DNAH9: variants seen among roughly 807,000 people sequenced by gnomAD.
The protein encoded by DNAH9 is dynein axonemal heavy chain 9, also known as DNAH9 variant protein.
Under a neutral mutation model 471.6 loss-of-function variants are expected in DNAH9, and 345 were observed. The ratio of observed to expected loss-of-function variants is 0.73; its 90% CI spans 0.67 to 0.80. The LOEUF (loss-of-function observed/expected upper bound fraction) is 0.80. Among genes scored for constraint, DNAH9 ranks in the 30% least tolerant of loss-of-function variants. The pLI is 0.00. For missense variants in DNAH9, 5,407 were observed against 5,609.2 expected (o/e 0.96, Z 1.15); for synonymous variants, 2,093 against 2,123.6 (o/e 0.99, Z 0.40).
chr17:11,618,540 T>C (rs1476658153), intron 5 of DNAH9, among the ~76,000 whole-genome samples: 3 of 149,202 alleles, frequency 2.0e-5, no homozygotes, highest in African/African-American at 7.4e-5. Flanking sequence ...GAGCGAAGAT[T>C]GTGCCACTGC....
At chr17:11,960,435 T>TAAACAAAAAAAAAAAAAAAAAAAA (rs1976005246) in intron 67 of DNAH9, among the ~76,000 whole-genome samples, 1 of 54,060 alleles carries the variant, frequency 1.8e-5, no homozygotes, top group Non-Finnish European at 3.3e-5. Flanking sequence ...GACTCTGTCT[T>TAAACAAAAAAAAAAAAAAAAAAAA]AAAAAAAAAA....
At chr17:11,666,639 G>A (rs1485410998) in intron 15 of DNAH9, among the ~76,000 whole-genome samples, 1 of 152,154 alleles carries the variant, frequency 6.6e-6, no homozygotes, top group African/African-American at 2.4e-5. Context: ...GAGCCTAAAG[G>A]GGCCTCTGAG....
At chr17:11,839,053 A>G (rs1364555083) in intron 49 of DNAH9, among the ~76,000 whole-genome samples, 1 of 152,230 alleles carries the variant, frequency 6.6e-6, no homozygotes, top group Non-Finnish European at 1.5e-5. Context: ...AAATAAATCC[A>G]GTATAACTTT....
At chr17:11,947,742 C>T (rs1975181920) in intron 67 of DNAH9, among the ~76,000 whole-genome samples, 1 of 150,702 alleles carries the variant, frequency 6.6e-6, no homozygotes, top group Admixed American at 6.6e-5. Flanking sequence ...GAGCCATGGC[C>T]AGCCCAGAAT....
chr17:11,694,591 A>C (rs2074395402), intron 22 of DNAH9, 144 bp downstream of exon 22: 1 of 665,230 alleles, frequency 1.5e-6, no homozygotes, highest in Non-Finnish European at 2.4e-6. Context: ...GCATCATCAC[A>C]TACCTCGGAG....
chr17:11,738,533 A>G (rs1284342025), intron 28 of DNAH9, among the ~76,000 whole-genome samples: 1 of 152,076 alleles, frequency 6.6e-6, no homozygotes, highest in East Asian at 1.9e-4. Flanking sequence ...GATGCACACC[A>G]CCATACCCGG....
intron 48 of DNAH9, among the ~76,000 whole-genome samples, chr17:11,828,405 G>A (rs182870286): frequency 5.3e-5 from 8 of 149,772 alleles, no homozygotes; most frequent in Non-Finnish European, 1.2e-4. Flanking sequence ...CCTGGGCGGT[G>A]GAGGTTGCAG....
intron 1 of DNAH9, among the ~76,000 whole-genome samples, chr17:11,607,010 TACTGAAAAAAGAGGAA>T (rs1161795305): frequency 5.9e-5 from 9 of 152,112 alleles, no homozygotes; most frequent in Admixed American, 5.9e-4. Flanking sequence ...TGGGGATGAA[TACTGAAAAAAGAGGAA>T]CTATGTTGGG....
chr17:11,693,015 C>T (rs2074360281), intron 20 of DNAH9, among the ~76,000 whole-genome samples: 1 of 150,262 alleles, frequency 6.7e-6, no homozygotes, highest in African/African-American at 2.5e-5. Flanking sequence ...GAGCGATTCT[C>T]CTGCCTCAGC....
intron 43 of DNAH9, among the ~76,000 whole-genome samples, chr17:11,799,962 T>G (rs1969391589): frequency 6.6e-6 from 1 of 152,124 alleles, no homozygotes; most frequent in South Asian, 2.1e-4. Flanking sequence ...ATGTTGATTG[T>G]TTTTGCTCCA....
At chr17:11,907,020 A>G (rs2151016708) in intron 61 of DNAH9, among the ~76,000 whole-genome samples, 1 of 152,338 alleles carries the variant, frequency 6.6e-6, no homozygotes, top group South Asian at 2.1e-4. Context: ...AAATAAAGTT[A>G]AAGAAACAAA....
chr17:11,853,928 A>T, intron 49 of DNAH9, 75 bp from the exon 50 acceptor site: 2 of 1,449,124 alleles, frequency 1.4e-6, no homozygotes, highest in Non-Finnish European at 9.5e-7. Context: ...TCGCTCCACA[A>T]CCTAACTCCA....
chr17:11,943,093 A>C (rs922585192), intron 67 of DNAH9, among the ~76,000 whole-genome samples: 13 of 151,352 alleles, frequency 8.6e-5, no homozygotes, highest in Admixed American at 5.9e-4. Context: ...ATGGGGTTTC[A>C]CCGTGTTAGC....
intron 33 of DNAH9, among the ~76,000 whole-genome samples, chr17:11,754,736 T>G (rs1011995830): frequency 6.6e-6 from 1 of 152,246 alleles, no homozygotes. Context: ...ATTAGACCTT[T>G]GTCAGATGCA....
At chr17:11,696,895 G>A (rs959170011) in intron 22 of DNAH9, among the ~76,000 whole-genome samples, 5 of 151,364 alleles carry the variant, frequency 3.3e-5, no homozygotes, top group African/African-American at 9.7e-5. Context: ...TTTAAGGTTG[G>A]ATCTTGCTCT....
At chr17:11,703,149 A>G (rs2074634242) in intron 24 of DNAH9, among the ~76,000 whole-genome samples, 2 of 151,950 alleles carry the variant, frequency 1.3e-5, no homozygotes, top group Admixed American at 1.3e-4. Context: ...TGTGAATAGC[A>G]GGGAGAAACT....
chr17:11,647,983 G>A (rs2073426877), intron 12 of DNAH9, among the ~76,000 whole-genome samples: 1 of 152,224 alleles, frequency 6.6e-6, no homozygotes, highest in Admixed American at 6.5e-5. Flanking sequence ...AATGTGAATA[G>A]TGCTGAGGTT....
In DNAH9 at chr17:11,669,082, C is replaced by T. The variant is rs749804683; in HGVS notation, c.2750C>T (p.Thr917Ile). 3.1e-6 allele frequency: 5 copies of T among 1,612,784 alleles called. No individual in the cohort carries two copies. The highest frequency in any genetic ancestry group is 2.5e-6 in the Non-Finnish European group (3 of 1,179,166). ...LENTECKAGL[T>I]PIFEAQLSLA... ...TTTTCAGAGTGTAAGGCAGGACTTA[C>T]CCCAATATTTGAAGCACAACTGAGT... Residue 917 changes from threonine (T) to isoleucine (I), a missense_variant, in exon 16 of 69, where the codon ACC (threonine) becomes ATC (isoleucine). Around this residue, in one of 3 missense-constraint regions of DNAH9, gnomAD observed 4,636 missense variants for 4,900.3 expected, o/e 0.95. Coordinates refer to ENST00000262442, the MANE Select transcript of DNAH9 (RefSeq NM_001372.4).
At chr17:11,643,865 C>T (rs149068299) in intron 10 of DNAH9, among the ~76,000 whole-genome samples, 23 of 152,272 alleles carry the variant, frequency 1.5e-4, no homozygotes, top group African/African-American at 5.3e-4. Context: ...GCAATTGTAG[C>T]ACTATACTAA....
Sources: allele counts gnomAD v4.1 joint callset (sites outside exome capture counted in the v4.1 genomes callset), GRCh38; gene constraint gnomAD v4.1.1; regional missense constraint gnomAD v4.1.1; transcripts MANE v1.5; gene names NCBI Gene and HGNC (gene_info 2026-07-23, HGNC 2026-07-21).